The following RAPGEF2 variants were observed in gnomAD, a reference collection of about 807,000 sequenced individuals.
RAPGEF2 encodes the protein PDZ domain containing guanine nucleotide exchange factor (GEF) 1.
Under a neutral mutation model 186.7 loss-of-function variants are expected in RAPGEF2, and 54 were observed. The observed-to-expected ratio is 0.29, with a 90% confidence interval of 0.23 to 0.36. RAPGEF2 has a LOEUF of 0.36. RAPGEF2 is among the 10% of genes least tolerant of loss of function. The probability of loss-of-function intolerance (pLI) is 1.00; values close to 1 mark genes in which losing one functional copy is unlikely to be tolerated. For missense variants in RAPGEF2, 1,532 were observed against 2,045.0 expected, an observed-to-expected ratio of 0.75 and a Z score of 4.84; for synonymous variants, 712 against 705.9, an observed-to-expected ratio of 1.01 and a Z score of -0.14.
intron 7 of RAPGEF2, among the ~76,000 whole-genome samples, chr4:159,247,621 G>A (rs1040126128): frequency 2.0e-5 from 3 of 152,072 alleles, no homozygotes; most frequent in Admixed American, 2.0e-4. Context: ...GGATAGGGAT[G>A]GTAAAGTGGG....
chr4:159,355,505 G>A (rs1245873147), intron 28 of RAPGEF2, among the ~76,000 whole-genome samples: 1 of 152,142 alleles, frequency 6.6e-6, no homozygotes, highest in African/African-American at 2.4e-5. Flanking sequence ...GGTTCTTCCT[G>A]TGCTTCAGTC....
Position 159,323,603 on chromosome 4 carries a change from G to C in RAPGEF2, c.1135G>C (p.Val379Leu). The C allele has an allele frequency of 6.4e-7, 1 of 1,574,368 alleles. No homozygotes were observed. Among genetic ancestry groups the C allele is most frequent in the Non-Finnish European group, 8.6e-7 (1 of 1,159,610 alleles). ...EYMKGVMRTK[V>L]DDCQFVCIAQ... ...CATGAAAGGAGTGATGAGAACAAAG[G>C]TGGATGACTGCCAGGTATAAAATAT... The change falls in exon 11 of 30, where the codon GTG becomes CTG. Residue 379 changes from valine (V) to leucine (L), a missense_variant. Transcript: ENST00000691494.
At chr4:159,300,975 G>T (rs1301443226) in intron 7 of RAPGEF2, among the ~76,000 whole-genome samples, 2 of 152,166 alleles carry the variant, frequency 1.3e-5, no homozygotes, top group Non-Finnish European at 2.9e-5. Context: ...TCATTAGAGT[G>T]TCATGGCAGA....
intron 1 of RAPGEF2, among the ~76,000 whole-genome samples, chr4:159,125,422 T>C (rs1740177447): frequency 6.6e-6 from 1 of 152,168 alleles, no homozygotes; most frequent in Non-Finnish European, 1.5e-5. Flanking sequence ...TATGGAGTTT[T>C]TTTGAGTAGC....
intron 9 of RAPGEF2, among the ~76,000 whole-genome samples, chr4:159,315,535 G>A (rs892667523): frequency 2.0e-5 from 3 of 152,082 alleles, no homozygotes; most frequent in African/African-American, 7.2e-5. Flanking sequence ...ATTTAGGCCC[G>A]GGGACCACTA....
At chr4:159,263,513 C>T (rs1055702603) in intron 7 of RAPGEF2, among the ~76,000 whole-genome samples, 8 of 152,082 alleles carry the variant, frequency 5.3e-5, no homozygotes, top group South Asian at 4.1e-4. Flanking sequence ...ATGGTTTTTC[C>T]TCTGTGGTAG....
At chr4:159,122,558 A>G (rs1201596521) in intron 1 of RAPGEF2, among the ~76,000 whole-genome samples, 2 of 152,208 alleles carry the variant, frequency 1.3e-5, no homozygotes, top group African/African-American at 4.8e-5. Flanking sequence ...GTCTAGAGAA[A>G]TGTAAACAAA....
chr4:159,116,129 C>CT (rs1721189281), intron 1 of RAPGEF2, among the ~76,000 whole-genome samples: 1 of 152,100 alleles, frequency 6.6e-6, no homozygotes, highest in South Asian at 2.1e-4. Flanking sequence ...GCAAAAAAAA[C>CT]TATCATCAGA....
chr4:159,346,658 C>T (rs1015229524), intron 24 of RAPGEF2, 131 bp from the exon 25 acceptor site: 5 of 760,022 alleles, frequency 6.6e-6, no homozygotes, highest in Non-Finnish European at 2.2e-6. Flanking sequence ...ATAAAGGCAA[C>T]AGGAAGAAAG....
At chr4:159,333,677 T>G (rs940754802) in intron 17 of RAPGEF2, among the ~76,000 whole-genome samples, 3 of 152,338 alleles carry the variant, frequency 2.0e-5, no homozygotes, top group Admixed American at 2.0e-4. Context: ...CTTGCTTGCT[T>G]CTTCATTTTA....
chr4:159,348,242 A>AGATGGATGGATGGATGGATGGATGGATG (rs57748987), intron 25 of RAPGEF2, among the ~76,000 whole-genome samples: 6 of 144,954 alleles, frequency 4.1e-5, no homozygotes, highest in African/African-American at 1.7e-4. Flanking sequence ...ATAGATAGAT[A>AGATGGATGGATGGATGGATGGATGGATG]GATGGATGGA....
At chr4:159,329,636 A>T in intron 11 of RAPGEF2, 1 of 299,118 alleles carries the variant, frequency 3.3e-6, no homozygotes, top group Non-Finnish European at 6.1e-6. Context: ...TTTGAATGTA[A>T]AATACATATA....
intron 7 of RAPGEF2, chr4:159,267,087 A>C: frequency 9.6e-7 from 1 of 1,042,514 alleles, no homozygotes; most frequent in Non-Finnish European, 1.3e-6. Context: ...GTGTATAGGG[A>C]GAGGGAGGGT....
chr4:159,314,579 G>C lies in RAPGEF2; in HGVS notation c.676-12G>C. ...TTAAAATAGTTTTTAATTTTTGTGT[G>C]TGTGTCTTAAGGCCACAGAAAGCGA... On this transcript the variant is annotated splice_polypyrimidine_tract_variant and intron_variant, in intron 8 of 29. Transcript: ENST00000691494. 2 of 1,590,096 alleles carry C rather than the reference G, an allele frequency of 1.3e-6. No individual in the cohort carries two copies. The highest frequency in any genetic ancestry group is 1.7e-6 in the Non-Finnish European group (2 of 1,172,836).
intron 1 of RAPGEF2, among the ~76,000 whole-genome samples, chr4:159,168,808 T>C (rs1248547694): frequency 2.6e-5 from 4 of 152,160 alleles, no homozygotes; most frequent in Non-Finnish European, 5.9e-5. Context: ...TATAATTGCT[T>C]TGTAGGTAGC....
chr4:159,168,187 T>C (rs1313758748), intron 1 of RAPGEF2, among the ~76,000 whole-genome samples: 1 of 152,230 alleles, frequency 6.6e-6, no homozygotes, highest in East Asian at 1.9e-4. Context: ...GTATGTTGTT[T>C]TTGAGCCTGA....
chr4:159,153,058 T>A (rs1229544456), intron 1 of RAPGEF2, among the ~76,000 whole-genome samples: 1 of 152,220 alleles, frequency 6.6e-6, no homozygotes, highest in Non-Finnish European at 1.5e-5. Flanking sequence ...TTTATACACT[T>A]TTTTATATTG....
chr4:159,198,296 TTC>T (rs1330245867), intron 3 of RAPGEF2, among the ~76,000 whole-genome samples: 558 of 41,950 alleles, frequency 0.013, 40 homozygotes, highest in African/African-American at 0.075. Context: ...CTTTCTTTCT[TTC>T]TTTCTTTCTT....
At chr4:159,157,426 G>T (rs1472718246) in intron 1 of RAPGEF2, among the ~76,000 whole-genome samples, 2 of 152,068 alleles carry the variant, frequency 1.3e-5, no homozygotes, top group Non-Finnish European at 2.9e-5. Flanking sequence ...ATCTATTATT[G>T]CTAATACTCC....
Sources: gnomAD v4.1 joint callset for allele counts (sites outside exome capture counted in the v4.1 genomes callset) on GRCh38, gnomAD v4.1.1 for gene constraint, MANE v1.5 for transcripts, NCBI Gene and HGNC (gene_info 2026-07-23, HGNC 2026-07-21) for gene names.